Variants in CNTNAP2 observed in about 807,000 individuals in gnomAD.
CNTNAP2 encodes the protein contactin associated protein 2.
A neutral mutation model predicts 155.2 loss-of-function variants in CNTNAP2; 98 were observed. That is an observed-to-expected ratio of 0.63 (90% confidence interval 0.54 to 0.75). The LOEUF (loss-of-function observed/expected upper bound fraction) is 0.75, where lower values mean the gene tolerates loss of function less well. Ranked by LOEUF, CNTNAP2 falls within the 30% of genes least tolerant of loss-of-function variation. The pLI is 0.00. For synonymous variants in CNTNAP2, 651 were observed against 631.2 expected (o/e 1.03, Z -0.47); for missense variants, 1,727 against 1,688.1 (o/e 1.02, Z -0.40).
chr7:146,303,105 T>TGC (rs1485997309), intron 1 of CNTNAP2, among the ~76,000 whole-genome samples: 1 of 148,826 alleles, frequency 6.7e-6, no homozygotes, highest in African/African-American at 2.6e-5. Context: ...TGTGTGTGTG[T>TGC]GTGCGCATGC....
At chr7:147,085,142 A>G (rs1262722461) in intron 4 of CNTNAP2, among the ~76,000 whole-genome samples, 1 of 152,148 alleles carries the variant, frequency 6.6e-6, no homozygotes, top group Non-Finnish European at 1.5e-5. Context: ...TAATTTTCTT[A>G]AGAAAAGTGT....
chr7:148,209,010 T>C (rs1795499429), intron 18 of CNTNAP2, among the ~76,000 whole-genome samples: 1 of 152,188 alleles, frequency 6.6e-6, no homozygotes. Flanking sequence ...ATGCTTGCAT[T>C]GTAAATACCA....
At position 146,967,643 on chromosome 7, in the gene CNTNAP2, T is replaced by G. The variant is rs554444579; in HGVS notation, c.403-76264T>G. Among the ~76,000 whole-genome samples the G allele has an allele frequency of 2.6e-5, 4 of 152,318 alleles. No individual in the cohort carries two copies. The South Asian group carries it at 8.3e-4, about 32-fold the overall frequency. On this transcript the variant is annotated intron_variant, in intron 3 of 23. Transcript: ENST00000361727. ...ATTGGTGTATAAGAAAGCTTGTGAT[T>G]TTTGTACATTGATTTTGTATCCTGA...
At chr7:148,218,410 G>T (rs893235396) in intron 19 of CNTNAP2, among the ~76,000 whole-genome samples, 8 of 151,844 alleles carry the variant, frequency 5.3e-5, no homozygotes, top group African/African-American at 7.3e-5. Context: ...AATTTTTTTT[G>T]AAACAGGGTC....
chr7:147,665,783 CCTA>C (rs148746841), intron 13 of CNTNAP2, among the ~76,000 whole-genome samples: 1,928 of 152,300 alleles, frequency 0.013, 44 homozygotes, highest in African/African-American at 0.042. Context: ...CATTCATGTT[CCTA>C]CAGAGGACAT....
chr7:146,289,651 C>G (rs958024735), intron 1 of CNTNAP2, among the ~76,000 whole-genome samples: 9 of 152,184 alleles, frequency 5.9e-5, no homozygotes, highest in South Asian at 2.1e-4. Flanking sequence ...GGGCCTTCAG[C>G]AAACGACCAT....
intron 1 of CNTNAP2, among the ~76,000 whole-genome samples, chr7:146,629,513 C>A (rs1284512387): frequency 6.6e-6 from 1 of 151,948 alleles, no homozygotes; most frequent in Admixed American, 6.6e-5. Flanking sequence ...TTTGTTATTG[C>A]CACTATATAA....
chr7:148,268,423 G>A (rs1317854181), intron 21 of CNTNAP2, among the ~76,000 whole-genome samples: 1 of 152,092 alleles, frequency 6.6e-6, no homozygotes, highest in African/African-American at 2.4e-5. Flanking sequence ...GGAGGCTGAG[G>A]CAGGCAGATC....
intron 10 of CNTNAP2, among the ~76,000 whole-genome samples, chr7:147,399,059 G>A (rs1470636545): frequency 6.6e-6 from 1 of 152,026 alleles, no homozygotes; most frequent in Non-Finnish European, 1.5e-5. Flanking sequence ...TACTAATGCA[G>A]GGAAAGAACA....
intron 8 of CNTNAP2, among the ~76,000 whole-genome samples, chr7:147,213,116 G>A (rs66885460): frequency 0.12 from 18,871 of 152,024 alleles, 1,308 homozygotes; most frequent in African/African-American, 0.18. Flanking sequence ...CCCACAATCC[G>A]CTCTCTACAA....
intron 3 of CNTNAP2, among the ~76,000 whole-genome samples, chr7:147,021,635 C>T (rs1798818761): frequency 6.6e-6 from 1 of 152,154 alleles, no homozygotes; most frequent in African/African-American, 2.4e-5. Flanking sequence ...GCTGTTCTTA[C>T]AACAATTTTC....
chr7:147,269,372 A>G (rs983352965), intron 8 of CNTNAP2, among the ~76,000 whole-genome samples: 1 of 152,196 alleles, frequency 6.6e-6, no homozygotes, highest in African/African-American at 2.4e-5. Flanking sequence ...GAGCTGAGAA[A>G]GTGTTCACCC....
chr7:148,270,469 C>G (rs1318993261), intron 21 of CNTNAP2, among the ~76,000 whole-genome samples: 1 of 152,148 alleles, frequency 6.6e-6, no homozygotes, highest in Non-Finnish European at 1.5e-5. Context: ...GCACTGACTT[C>G]TAGTGGAGAT....
chr7:146,332,325 T>C (rs1473961543), intron 1 of CNTNAP2, among the ~76,000 whole-genome samples: 4 of 152,044 alleles, frequency 2.6e-5, no homozygotes, highest in Non-Finnish European at 4.4e-5. Flanking sequence ...ATAGTAAAAC[T>C]CACACATTCA....
intron 12 of CNTNAP2, among the ~76,000 whole-genome samples, chr7:147,603,045 C>T (rs2116863731): frequency 6.6e-6 from 1 of 151,956 alleles, no homozygotes; most frequent in Non-Finnish European, 1.5e-5. Flanking sequence ...GTTCTAGATC[C>T]CTGAGGAATC....
chr7:147,633,667 CTTG>C (rs140585043), intron 12 of CNTNAP2, among the ~76,000 whole-genome samples: 3,073 of 152,180 alleles, frequency 0.02, 109 homozygotes, highest in African/African-American at 0.07. Context: ...TTCCCCACAT[CTTG>C]TTGTTGTGAT....
chr7:146,846,989 ATTGAACTCAATGCTAATTTTTTTTACG>A (rs946678024), intron 3 of CNTNAP2, among the ~76,000 whole-genome samples: 18 of 152,272 alleles, frequency 1.2e-4, no homozygotes, highest in East Asian at 1.2e-3. Context: ...TTTATTTTAC[ATTGAACTCAATGCTAATTTTTTTTACG>A]TTGAACTCAA....
intron 16 of CNTNAP2, among the ~76,000 whole-genome samples, chr7:148,142,298 C>T (rs989091681): frequency 3.3e-5 from 5 of 151,980 alleles, no homozygotes; most frequent in African/African-American, 1.2e-4. Context: ...ATTCCCATGG[C>T]GACCTTATTT....
chr7:147,811,704 A>G (rs1477718355), intron 13 of CNTNAP2, among the ~76,000 whole-genome samples: 2 of 152,188 alleles, frequency 1.3e-5, no homozygotes, highest in Non-Finnish European at 2.9e-5. Flanking sequence ...ATTTAGCCTA[A>G]TTATTCAATG....
Sources: allele counts gnomAD v4.1 joint callset (sites outside exome capture counted in the v4.1 genomes callset), GRCh38; gene constraint gnomAD v4.1.1; transcripts MANE v1.5; gene names NCBI Gene and HGNC (gene_info 2026-07-23, HGNC 2026-07-21).